Variants in FAM171B observed in about 807,000 individuals in gnomAD.
FAM171B encodes family with sequence similarity 171 member B, also known as protein FAM171B.
A neutral mutation model predicts 75.6 loss-of-function variants in FAM171B; 19 were observed. The observed-to-expected ratio is 0.25, with a 90% CI of 0.18 to 0.37. The LOEUF (loss-of-function observed/expected upper bound fraction) is 0.37, where lower values mean the gene tolerates loss of function less well. FAM171B is among the 10% of genes least tolerant of loss of function. The pLI is 1.00. For missense variants in FAM171B, 848 were observed against 982.4 expected (o/e 0.86, Z 1.83); for synonymous variants, 367 against 361.7 (o/e 1.01, Z -0.17).
chr2:186,720,238 A>C (rs561735301), intron 1 of FAM171B, among the ~76,000 whole-genome samples: 9 of 152,262 alleles, frequency 5.9e-5, no homozygotes, highest in African/African-American at 2.2e-4. Flanking sequence ...GGGTTTCACC[A>C]TGTTGGCCAG....
chr2:186,724,155 C>G (rs1689996561), intron 1 of FAM171B, among the ~76,000 whole-genome samples: 1 of 152,108 alleles, frequency 6.6e-6, no homozygotes, highest in Non-Finnish European at 1.5e-5. Flanking sequence ...TGTCATGAAG[C>G]CTGGAGCTAT....
intron 1 of FAM171B, among the ~76,000 whole-genome samples, chr2:186,716,930 A>G (rs1356635381): frequency 2.0e-5 from 3 of 152,162 alleles, no homozygotes; most frequent in African/African-American, 7.2e-5. Context: ...ATATTATTTT[A>G]TGCAATCCTC....
chr2:186,752,656 T>G (rs1283806289), intron 5 of FAM171B, among the ~76,000 whole-genome samples: 1 of 152,234 alleles, frequency 6.6e-6, no homozygotes, highest in Non-Finnish European at 1.5e-5. Flanking sequence ...CTATCTCTAA[T>G]GTACCTTTCA....
intron 1 of FAM171B, among the ~76,000 whole-genome samples, chr2:186,700,306 T>C (rs1689638685): frequency 2.0e-5 from 3 of 152,072 alleles, no homozygotes; most frequent in Admixed American, 1.3e-4. Context: ...TATTTTAGTG[T>C]ACACTCTTGA....
At chr2:186,751,621 T>C (rs1690456071) in intron 5 of FAM171B, among the ~76,000 whole-genome samples, 1 of 152,220 alleles carries the variant, frequency 6.6e-6, no homozygotes, top group East Asian at 1.9e-4. Flanking sequence ...AAGCTCATAA[T>C]ACCTATCTAA....
In FAM171B at chr2:186,762,206, C is replaced by T. The variant is rs770515054; in HGVS notation, c.1864C>T (p.Arg622Ter). 3.1e-6 allele frequency: 5 copies of T among 1,613,616 alleles called. No homozygotes were observed. Among genetic ancestry groups the T allele is most frequent in the Admixed American group, 1.7e-5 (1 of 59,928 alleles). The change falls in exon 8 of 8, where the codon CGA becomes TGA. Residue 622 changes from arginine to a stop codon, truncating the protein, a stop_gained. Coordinates refer to ENST00000304698, the MANE Select transcript of FAM171B (RefSeq NM_177454.4). LOFTEE classifies it high-confidence loss of function. This position sits in a 1 kb window ranked among gnomAD's most constrained non-coding sequence, Gnocchi z 4.0. ...SLPSQASDWSRYSSSLLESVS... is the reference protein window; with the variant it reads ...SLPSQASDWS ...GCCATCCCAGGCTTCAGATTGGAGC[C>T]GATACTCAAGCAGCTTACTGGAATC...
chr2:186,754,150 C>A, intron 6 of FAM171B, 101 bp downstream of exon 6: 1 of 803,668 alleles, frequency 1.2e-6, no homozygotes, highest in Non-Finnish European at 2.0e-6. Flanking sequence ...TGCCACTTAC[C>A]AGCTATATGA....
intron 1 of FAM171B, among the ~76,000 whole-genome samples, chr2:186,712,731 T>A (rs1433659156): frequency 6.6e-6 from 1 of 152,196 alleles, no homozygotes; most frequent in East Asian, 1.9e-4. Context: ...TTTGTCACTT[T>A]TTGGTCCATG....
At chr2:186,760,709 C>T (rs549166865) in intron 6 of FAM171B, among the ~76,000 whole-genome samples, 20 of 147,288 alleles carry the variant, frequency 1.4e-4, no homozygotes, top group African/African-American at 3.8e-4. Context: ...CAGTATCAAA[C>T]GCTTATTTGC....
chr2:186,759,042 A>G (rs1326518388), intron 6 of FAM171B, among the ~76,000 whole-genome samples: 1 of 152,116 alleles, frequency 6.6e-6, no homozygotes, highest in African/African-American at 2.4e-5. Flanking sequence ...GAATGAGAAC[A>G]TGCAAAGTCT....
At chr2:186,746,495 C>G (rs1415619451) in intron 3 of FAM171B, among the ~76,000 whole-genome samples, 1 of 152,160 alleles carries the variant, frequency 6.6e-6, no homozygotes, top group African/African-American at 2.4e-5. Context: ...AGACATGGCT[C>G]GATCACGACT....
At chr2:186,758,704 G>T (rs1559093901) in intron 6 of FAM171B, among the ~76,000 whole-genome samples, 1 of 152,008 alleles carries the variant, frequency 6.6e-6, no homozygotes, top group Non-Finnish European at 1.5e-5. Context: ...GTACATGATT[G>T]ATAGGTGTTT....
intron 1 of FAM171B, among the ~76,000 whole-genome samples, chr2:186,722,504 C>CAG (rs1338681301): frequency 6.6e-6 from 1 of 152,080 alleles, no homozygotes; most frequent in Non-Finnish European, 1.5e-5. Context: ...ATTCTGTGAT[C>CAG]AACTGTTTCA....
At chr2:186,734,887 G>C (rs1476558841) in intron 1 of FAM171B, among the ~76,000 whole-genome samples, 2 of 152,208 alleles carry the variant, frequency 1.3e-5, no homozygotes, top group Non-Finnish European at 2.9e-5. Flanking sequence ...GGTTGCAAAA[G>C]TGCCTGTTCT....
intron 1 of FAM171B, among the ~76,000 whole-genome samples, chr2:186,718,383 A>G (rs1689903113): frequency 6.6e-6 from 1 of 152,040 alleles, no homozygotes; most frequent in Admixed American, 6.6e-5. Context: ...TTTTTCTAAA[A>G]CTTTTGTGCT....
At chr2:186,736,981 A>C (rs1272974114) in intron 1 of FAM171B, among the ~76,000 whole-genome samples, 1 of 152,192 alleles carries the variant, frequency 6.6e-6, no homozygotes, top group African/African-American at 2.4e-5. Context: ...TAGTGGAATA[A>C]TAATTTTTAT....
chr2:186,729,016 TA>T (rs1405929355), intron 1 of FAM171B, among the ~76,000 whole-genome samples: 6 of 152,218 alleles, frequency 3.9e-5, no homozygotes, highest in African/African-American at 1.4e-4. Context: ...TTGGTTTTAA[TA>T]TTTTTTTCTA....
chr2:186,743,511 C>G lies in FAM171B; in HGVS notation c.501C>G (p.Phe167Leu), dbSNP rs752546021. 1.1e-5 allele frequency: 17 copies of G among 1,612,502 alleles called. No homozygotes were observed. In the East Asian group the frequency reaches 3.8e-4, roughly 36 times the overall value. ...PIYSSVTLSL[F>L]PQSQANIWLF... is the part of the protein sequence containing the mutation. ...ATTCATCAGTTACACTTTCACTGTTCCCGCAAAGCCAAGCAAATATATGGC... is the reference window on the plus strand; with the variant it reads ...ATTCATCAGTTACACTTTCACTGTTGCCGCAAAGCCAAGCAAATATATGGC... Residue 167 changes from phenylalanine (F) to leucine (L), a missense_variant, in exon 3 of 8, where the codon TTC becomes TTG. Around this residue, in one of 3 missense-constraint regions of FAM171B, gnomAD observed 665 missense variants for 729.0 expected, o/e 0.91. Coordinates refer to ENST00000304698, the MANE Select transcript of FAM171B (RefSeq NM_177454.4).
In FAM171B at chr2:186,712,220, C is replaced by CT. The variant is rs977979976; in HGVS notation, c.238+17817dup. On this transcript the variant is annotated intron_variant, in intron 1 of 7. Transcript: ENST00000304698. Reference sequence around the variant, plus strand: ...TATTTACTTGACTTGTTATTATCTTCTTTTTTTTGCTAATTTTCCTAGAGT... The same window carrying CT: ...TATTTACTTGACTTGTTATTATCTTCTTTTTTTTTGCTAATTTTCCTAGAGT... 6.6e-5 allele frequency among the ~76,000 whole-genome samples: 10 copies of CT among 151,994 alleles called. No homozygotes were observed. The East Asian group carries it at 9.6e-4, about 15-fold the overall frequency.
Sources: allele counts gnomAD v4.1 joint callset (sites outside exome capture counted in the v4.1 genomes callset), GRCh38; gene constraint gnomAD v4.1.1; regional missense constraint gnomAD v4.1.1; non-coding constraint Gnocchi (gnomAD v3.1); transcripts MANE v1.5; gene names NCBI Gene and HGNC (gene_info 2026-07-23, HGNC 2026-07-21).